SLCO1C1: variants seen among roughly 807,000 people sequenced by gnomAD.
The protein encoded by SLCO1C1 is solute carrier organic anion transporter family member 1C1, also known as OAT-RP-5.
In SLCO1C1, 70 loss-of-function variants were observed where a neutral mutation model predicts 76.4. The observed-to-expected ratio is 0.92, with a 90% CI of 0.76 to 1.12. The LOEUF (loss-of-function observed/expected upper bound fraction) is 1.12, where lower values mean the gene tolerates loss of function less well. SLCO1C1 is among the 50% of genes most tolerant of loss of function. SLCO1C1 has a pLI of 0.00. For synonymous variants in SLCO1C1, 306 were observed against 286.1 expected, an observed-to-expected ratio of 1.07 and a Z score of -0.70; for missense variants, 912 against 823.8, an observed-to-expected ratio of 1.11 and a Z score of -1.31.
intron 6 of SLCO1C1, 64 bp from the exon 7 acceptor site, chr12:20,717,068 G>A: frequency 7.2e-7 from 1 of 1,384,942 alleles, no homozygotes; most frequent in Non-Finnish European, 1.0e-6. Context: ...GTTTAAAATT[G>A]TATTAATTTA....
At position 20,706,044 on chromosome 12, in the gene SLCO1C1, A is replaced by G. The variant is rs1565501599; in HGVS notation, c.367A>G (p.Thr123Ala). The G allele has an allele frequency of 6.2e-7, 1 of 1,613,342 alleles. No homozygotes were observed. Among genetic ancestry groups the G allele is most frequent in the African/African-American group, 1.3e-5 (1 of 74,990 alleles). ...GAGCVIMGVG[T>A]LLIAMPQFFM... ...AGGGTGTGTAATCATGGGAGTTGGA[A>G]CACTGCTCATTGCAATGCCTCAGTT... Residue 123 changes from threonine (T) to alanine (A), a missense_variant, in exon 4 of 15, where the codon ACA (threonine) becomes GCA (alanine). Physicochemically the swap from Thr to Ala is moderately conservative, Grantham distance 58. Transcript: ENST00000266509.
intron 12 of SLCO1C1, among the ~76,000 whole-genome samples, chr12:20,742,437 T>G (rs1158450345): frequency 6.6e-6 from 1 of 152,088 alleles, no homozygotes; most frequent in Non-Finnish European, 1.5e-5. Flanking sequence ...ATCATTATGA[T>G]TACTATTAAA....
chr12:20,733,235 G>A (rs1372065655), intron 10 of SLCO1C1, 131 bp downstream of exon 10: 14 of 799,972 alleles, frequency 1.8e-5, no homozygotes, highest in East Asian at 2.9e-5. Context: ...TTTTATTGTG[G>A]AATAACTGAC....
intron 2 of SLCO1C1, chr12:20,700,086 T>C (rs1355994229): frequency 2.1e-5 from 2 of 93,660 alleles, no homozygotes; most frequent in Non-Finnish European, 4.9e-5. Context: ...GGAGAAGAGT[T>C]GCTTTTTTTT....
intron 7 of SLCO1C1, 128 bp downstream of exon 7, chr12:20,717,358 AATTTT>A: frequency 1.6e-6 from 1 of 624,334 alleles, no homozygotes; most frequent in Non-Finnish European, 2.6e-6. Flanking sequence ...ATAAACTAAA[AATTTT>A]ATTATTAATA....
intron 4 of SLCO1C1, 150 bp from the exon 5 acceptor site, chr12:20,711,236 T>C (rs1401149001): frequency 3.8e-6 from 3 of 798,878 alleles, no homozygotes; most frequent in African/African-American, 3.5e-5. Flanking sequence ...CAGCAAAATC[T>C]GCTGTTAAAC....
At position 20,721,916 on chromosome 12, in the gene SLCO1C1, A is replaced by G; in HGVS notation, c.888A>G (p.Pro296=). 1 of 1,614,152 alleles carries G rather than the reference A, an allele frequency of 6.2e-7. No homozygotes were observed. ...LLAAVPFWYL[P]KSLPRSQSRE... ...CAGCTGTGCCTTTCTGGTATTTACC[A>G]AAGAGTTTACCAAGATCCCAAAGTA... The change falls in exon 8 of 15, where the codon CCA becomes CCG. Residue 296 remains proline (P), a synonymous_variant. Coordinates refer to ENST00000266509, the MANE Select transcript of SLCO1C1 (RefSeq NM_017435.5).
chr12:20,708,031 A>G (rs577128719), intron 4 of SLCO1C1, among the ~76,000 whole-genome samples: 5 of 152,176 alleles, frequency 3.3e-5, no homozygotes, highest in African/African-American at 7.2e-5. Context: ...AAAAACACAC[A>G]CAATTCTTCC....
intron 13 of SLCO1C1, among the ~76,000 whole-genome samples, chr12:20,745,613 T>C (rs1327692461): frequency 6.6e-6 from 1 of 151,936 alleles, no homozygotes; most frequent in African/African-American, 2.4e-5. Flanking sequence ...TCAACTGAGG[T>C]CAGGAGTCCG....
At chr12:20,733,800 T>C (rs1356582074) in intron 10 of SLCO1C1, among the ~76,000 whole-genome samples, 1 of 152,120 alleles carries the variant, frequency 6.6e-6, no homozygotes, top group African/African-American at 2.4e-5. Flanking sequence ...ATGGGGTGGG[T>C]GATTACATTG....
intron 8 of SLCO1C1, among the ~76,000 whole-genome samples, chr12:20,722,798 T>C (rs1947742639): frequency 6.6e-6 from 1 of 152,228 alleles, no homozygotes; most frequent in Non-Finnish European, 1.5e-5. Context: ...TTTTCGTCTT[T>C]TGCCCACATC....
intron 9 of SLCO1C1, among the ~76,000 whole-genome samples, chr12:20,723,993 A>G (rs907062231): frequency 6.6e-6 from 1 of 152,160 alleles, no homozygotes; most frequent in African/African-American, 2.4e-5. Flanking sequence ...AGGAGAAAAA[A>G]ACAGCCAAAT....
intron 13 of SLCO1C1, among the ~76,000 whole-genome samples, chr12:20,745,384 T>G (rs1472817809): frequency 1.3e-5 from 2 of 152,108 alleles, no homozygotes; most frequent in African/African-American, 4.8e-5. Context: ...TCTTCATAGA[T>G]TAACTGGATT....
Position 20,711,049 on chromosome 12 carries a change from T to TAACA in SLCO1C1, c.405-335_405-332dup, listed in dbSNP as rs1947071077. 8.5e-5 allele frequency among the ~76,000 whole-genome samples: 13 copies of TAACA among 152,250 alleles called. No homozygotes were observed. In the South Asian group the frequency reaches 2.7e-3, roughly 32 times the overall value. On this transcript the variant is annotated intron_variant, in intron 4 of 14. Coordinates refer to ENST00000266509, the MANE Select transcript of SLCO1C1 (RefSeq NM_017435.5). ...GTCTTGGGCCACACATAAAATACAC[T>TAACA]AACAACAGTTGATGAGCTAAAAAAA...
chr12:20,712,958 A>C (rs1363467951), intron 5 of SLCO1C1, among the ~76,000 whole-genome samples: 1 of 152,244 alleles, frequency 6.6e-6, no homozygotes, highest in Non-Finnish European at 1.5e-5. Context: ...CAAGAACAGC[A>C]GCCTTGTTTA....
rs1023177287 is a variant in SLCO1C1 at position 20,722,114 on chromosome 12, A to C, written c.1021+65A>C. 5.2e-6 allele frequency: 8 copies of C among 1,530,830 alleles called. No individual in the cohort carries two copies. In the Admixed American group the frequency reaches 1.4e-4, roughly 27 times the overall value. 94.8% of individuals were successfully genotyped at this position (1,530,830 alleles called of 1,614,324 possible). A position where few individuals can be genotyped will look rare whatever the true frequency, so the allele number is the denominator to read the frequency against. On this transcript the variant is annotated intron_variant, in intron 8 of 14. Coordinates refer to ENST00000266509, the MANE Select transcript of SLCO1C1 (RefSeq NM_017435.5). ...TGTTGGGGCTTAAGGAGATTTATAA[A>C]TTACATCCCTCTCTTCCCTTCGTGT...
intron 8 of SLCO1C1, among the ~76,000 whole-genome samples, chr12:20,722,289 A>G (rs1166089985): frequency 6.6e-6 from 1 of 152,220 alleles, no homozygotes; most frequent in Non-Finnish European, 1.5e-5. Flanking sequence ...TCCTCAGTTT[A>G]GATCCTACCA....
At chr12:20,723,476 T>C (rs990671225) in intron 9 of SLCO1C1, among the ~76,000 whole-genome samples, 1 of 152,186 alleles carries the variant, frequency 6.6e-6, no homozygotes, top group Non-Finnish European at 1.5e-5. Flanking sequence ...AGATGAAACA[T>C]GCATTTTATG....
intron 4 of SLCO1C1, among the ~76,000 whole-genome samples, chr12:20,708,470 TAA>T (rs1024998768): frequency 3.3e-5 from 5 of 151,958 alleles, no homozygotes; most frequent in African/African-American, 1.2e-4. Context: ...AATAACCCAG[TAA>T]AGACACATAA....
Sources: gnomAD v4.1 joint callset for allele counts (sites outside exome capture counted in the v4.1 genomes callset) on GRCh38, gnomAD v4.1.1 for gene constraint, MANE v1.5 for transcripts, NCBI Gene and HGNC (gene_info 2026-07-23, HGNC 2026-07-21) for gene names.